RALA: variants seen among roughly 807,000 people sequenced by gnomAD.
RALA encodes RAS like proto-oncogene A.
RALA carries 5 observed loss-of-function variants against 24.0 expected under a neutral mutation model. The ratio of observed to expected loss-of-function variants is 0.21; its 90% CI spans 0.11 to 0.44. The LOEUF (loss-of-function observed/expected upper bound fraction) is 0.44. RALA is among the 20% of genes least tolerant of loss of function. The probability of loss-of-function intolerance (pLI) is 0.99; values close to 1 mark genes in which losing one functional copy is unlikely to be tolerated. For missense variants in RALA, 95 were observed against 241.2 expected, an observed-to-expected ratio of 0.39 and a Z score of 4.01; for synonymous variants, 77 against 83.8, an observed-to-expected ratio of 0.92 and a Z score of 0.44.
intron 1 of RALA, among the ~76,000 whole-genome samples, chr7:39,681,302 C>CTTTTTTTTTTTTGTT (rs1792594986): frequency 2.0e-5 from 1 of 50,008 alleles, no homozygotes; most frequent in Non-Finnish European, 3.6e-5. Context: ...CACCCTATTC[C>CTTTTTTTTTTTTGTT]TTTTTTTTTT....
chr7:39,676,679 A>G (rs534483533), intron 1 of RALA, among the ~76,000 whole-genome samples: 11 of 152,342 alleles, frequency 7.2e-5, no homozygotes, highest in African/African-American at 2.2e-4. Flanking sequence ...AATTCTGGAC[A>G]TACAAAGATC....
At chr7:39,627,179 T>C (rs1332086045) in intron 1 of RALA, among the ~76,000 whole-genome samples, 1 of 152,174 alleles carries the variant, frequency 6.6e-6, no homozygotes, top group South Asian at 2.1e-4. Context: ...ATCTTTCTTA[T>C]TACCTTATCG....
chr7:39,687,405 C>T (rs1485736948), intron 2 of RALA, among the ~76,000 whole-genome samples: 5 of 148,916 alleles, frequency 3.4e-5, no homozygotes, highest in Non-Finnish European at 5.9e-5. Context: ...CCAGCCTGGG[C>T]GACAGAGCAA....
chr7:39,653,404 G>A (rs1376042490), intron 1 of RALA, among the ~76,000 whole-genome samples: 3 of 152,074 alleles, frequency 2.0e-5, no homozygotes, highest in Admixed American at 1.3e-4. Context: ...ATGTCTCACT[G>A]CAGCTTTGAC....
intron 3 of RALA, among the ~76,000 whole-genome samples, chr7:39,691,389 T>C: frequency 6.6e-6 from 1 of 152,206 alleles, no homozygotes; most frequent in East Asian, 1.9e-4. Flanking sequence ...GCATGCAATG[T>C]ATCCTCTATT....
chr7:39,643,723 G>A (rs1324333916), intron 1 of RALA, among the ~76,000 whole-genome samples: 1 of 152,168 alleles, frequency 6.6e-6, no homozygotes, highest in Non-Finnish European at 1.5e-5. Context: ...AGGTGTCGTG[G>A]CGCACGCCTG....
intron 1 of RALA, among the ~76,000 whole-genome samples, chr7:39,630,210 A>ATTTT (rs57399698): frequency 3.0e-5 from 3 of 100,916 alleles, no homozygotes; most frequent in Admixed American, 1.2e-4. Flanking sequence ...TGCCTTGCTA[A>ATTTT]TTTTTTTTTT....
At chr7:39,702,212 C>A (rs1793041306) in intron 4 of RALA, among the ~76,000 whole-genome samples, 2 of 152,070 alleles carry the variant, frequency 1.3e-5, no homozygotes, top group Admixed American at 1.3e-4. Context: ...AAAAATGAGT[C>A]ATTTTTCTCC....
chr7:39,677,522 CA>C (rs1792508731), intron 1 of RALA, among the ~76,000 whole-genome samples: 1 of 84,080 alleles, frequency 1.2e-5, no homozygotes, highest in African/African-American at 4.9e-5. Flanking sequence ...CATACGTGTG[CA>C]TGTGTCTTTA....
chr7:39,643,214 A>G (rs1791851417), intron 1 of RALA, among the ~76,000 whole-genome samples: 1 of 152,250 alleles, frequency 6.6e-6, no homozygotes, highest in Non-Finnish European at 1.5e-5. Context: ...GCATCCATAT[A>G]AATGCCAAAG....
intron 2 of RALA, among the ~76,000 whole-genome samples, chr7:39,687,469 C>T (rs956570537): frequency 1.3e-5 from 2 of 152,036 alleles, no homozygotes; most frequent in Non-Finnish European, 1.5e-5. Flanking sequence ...ATGAAAAAGT[C>T]GTTTATTGTG....
At chr7:39,676,310 G>A (rs544043944) in intron 1 of RALA, among the ~76,000 whole-genome samples, 5 of 152,146 alleles carry the variant, frequency 3.3e-5, no homozygotes, top group African/African-American at 1.2e-4. Context: ...CAGATCAGAG[G>A]CAAGGGAAAT....
At chr7:39,647,617 C>T (rs1437116127) in intron 1 of RALA, among the ~76,000 whole-genome samples, 2 of 152,084 alleles carry the variant, frequency 1.3e-5, no homozygotes, top group Non-Finnish European at 2.9e-5. Context: ...AATCCTAGAC[C>T]GCAAGGTGAT....
At chr7:39,661,200 G>A (rs900083126) in intron 1 of RALA, among the ~76,000 whole-genome samples, 3 of 152,176 alleles carry the variant, frequency 2.0e-5, no homozygotes, top group Non-Finnish European at 2.9e-5. Context: ...CAATACCTGG[G>A]AATCATGGGA....
At chr7:39,699,093 ACCCAGCAATTT>A (rs1421322972) in intron 4 of RALA, among the ~76,000 whole-genome samples, 1 of 144,344 alleles carries the variant, frequency 6.9e-6, no homozygotes, top group Non-Finnish European at 1.5e-5. Context: ...CAGAATTATG[ACCCAGCAATTT>A]AAGTGCTAAA....
rs1237668380 is a variant in RALA at position 39,706,151 on chromosome 7, G to A, written c.527G>A (p.Arg176Gln). The A allele has an allele frequency of 6.2e-7, 1 of 1,604,604 alleles. No individual in the cohort carries two copies. Among genetic ancestry groups the A allele is most frequent in the Non-Finnish European group, 8.5e-7 (1 of 1,176,186 alleles). The change falls in exon 5 of 5, where the codon CGA becomes CAA. Residue 176 changes from arginine to glutamine, a missense_variant. Arg to Gln is a conservative substitution (Grantham distance 43). Transcript: ENST00000005257. ...KVFFDLMREIRARKMEDSKEK... is the reference protein window; with the variant it reads ...KVFFDLMREIQARKMEDSKEK... Reference sequence around the variant, plus strand: ...TTTTTTGATTTAATGAGAGAAATTCGAGCGAGAAAGATGGAAGACAGCAAA... The same window carrying A: ...TTTTTTGATTTAATGAGAGAAATTCAAGCGAGAAAGATGGAAGACAGCAAA...
intron 1 of RALA, among the ~76,000 whole-genome samples, chr7:39,655,893 A>G (rs553425496): frequency 4.6e-5 from 7 of 152,372 alleles, no homozygotes; most frequent in African/African-American, 1.7e-4. Context: ...GAGTAAAAAA[A>G]GAAATGCGCA....
intron 1 of RALA, among the ~76,000 whole-genome samples, chr7:39,681,302 C>CTTTTTTTTTTTTTTTCTTTTTTTTTTT (rs1792595044): frequency 2.0e-5 from 1 of 50,008 alleles, no homozygotes; most frequent in Non-Finnish European, 3.6e-5. Context: ...CACCCTATTC[C>CTTTTTTTTTTTTTTTCTTTTTTTTTTT]TTTTTTTTTT....
chr7:39,703,775 C>T (rs1453102581), intron 4 of RALA, among the ~76,000 whole-genome samples: 1 of 152,186 alleles, frequency 6.6e-6, no homozygotes, highest in Admixed American at 6.5e-5. Context: ...TTCTCTTACA[C>T]TGAAGATCTT....
Sources: allele counts gnomAD v4.1 joint callset (sites outside exome capture counted in the v4.1 genomes callset), GRCh38; gene constraint gnomAD v4.1.1; transcripts MANE v1.5; gene names NCBI Gene and HGNC (gene_info 2026-07-23, HGNC 2026-07-21).